The following SLIT3 variants were observed in gnomAD, a reference collection of about 807,000 sequenced individuals.
SLIT3 encodes slit guidance ligand 3, also known as slit homolog 3 protein.
A neutral mutation model predicts 184.0 loss-of-function variants in SLIT3; 68 were observed. The observed-to-expected ratio is 0.37, with a 90% confidence interval of 0.30 to 0.45. The LOEUF (loss-of-function observed/expected upper bound fraction) is 0.45, where lower values mean the gene tolerates loss of function less well. Ranked by LOEUF, SLIT3 falls within the 20% of genes least tolerant of loss-of-function variation. The pLI is 1.00. For missense variants in SLIT3, 1,707 were observed against 2,026.0 expected (o/e 0.84, Z 3.02); for synonymous variants, 831 against 828.6 (o/e 1.00, Z -0.05).
chr5:168,740,369 T>A (rs1763586667), intron 20 of SLIT3, among the ~76,000 whole-genome samples: 1 of 152,160 alleles, frequency 6.6e-6, no homozygotes, highest in African/African-American at 2.4e-5. Context: ...ATTGCTGGGG[T>A]CTTGCATGCT....
At chr5:169,039,870 T>C (rs1757389018) in intron 4 of SLIT3, among the ~76,000 whole-genome samples, 2 of 152,210 alleles carry the variant, frequency 1.3e-5, no homozygotes, top group Admixed American at 1.3e-4. Flanking sequence ...CCCTACCTAA[T>C]GCAAGCGCCT....
chr5:169,246,078 T>G (rs1471158711), intron 2 of SLIT3, among the ~76,000 whole-genome samples: 1 of 152,204 alleles, frequency 6.6e-6, no homozygotes, highest in Non-Finnish European at 1.5e-5. Context: ...ATATTTTACA[T>G]TTTTGTGAAT....
intron 27 of SLIT3, among the ~76,000 whole-genome samples, chr5:168,700,282 A>G (rs1402213667): frequency 6.6e-6 from 1 of 152,178 alleles, no homozygotes. Context: ...GGCCAGGTGG[A>G]GATAATTGAA....
chr5:169,094,958 T>C (rs2113213094), intron 4 of SLIT3, among the ~76,000 whole-genome samples: 1 of 152,278 alleles, frequency 6.6e-6, no homozygotes, highest in East Asian at 1.9e-4. Context: ...GGCCCACCCC[T>C]GCCTGGGGAG....
At chr5:168,975,516 C>A (rs552592529) in intron 4 of SLIT3, among the ~76,000 whole-genome samples, 6 of 152,126 alleles carry the variant, frequency 3.9e-5, no homozygotes, top group African/African-American at 9.6e-5. Context: ...TGCACAGACA[C>A]AGCCACACAT....
rs917082450 is a variant in SLIT3, at chr5:168,749,413, G to A, written c.2137+59C>T. 1.1e-5 allele frequency: 18 copies of A among 1,588,990 alleles called. No individual in the cohort carries two copies. In the Admixed American group the frequency reaches 1.5e-4, roughly 13 times the overall value. ...AGGGAGTATCTGATTGTGCATCTTC[G>A]CCATCTTCCTTGCCTTCCCAGGGCC... is the stretch of plus-strand genomic sequence containing the variant. On this transcript the variant is annotated intron_variant, in intron 19 of 35. Transcript: ENST00000519560.
chr5:169,184,548 T>C (rs1763271913), intron 4 of SLIT3, among the ~76,000 whole-genome samples: 1 of 152,220 alleles, frequency 6.6e-6, no homozygotes, highest in Admixed American at 6.5e-5. Flanking sequence ...CTATATGAGA[T>C]CGATGTTTCT....
At chr5:169,229,642 T>TTCTCTTTCTCTCTCTCTCTCTCTCTCTC (rs1764927032) in intron 3 of SLIT3, among the ~76,000 whole-genome samples, 6 of 148,224 alleles carry the variant, frequency 4.0e-5, no homozygotes, top group African/African-American at 1.5e-4. Context: ...AAATAAATTC[T>TTCTCTTTCTCTCTCTCTCTCTCTCTCTC]TCTCTCTCTC....
chr5:169,202,130 G>C (rs1490582222), intron 3 of SLIT3, among the ~76,000 whole-genome samples: 1 of 152,174 alleles, frequency 6.6e-6, no homozygotes, highest in African/African-American at 2.4e-5. Context: ...CTACTCAGGA[G>C]GCTGGGTGGG....
At chr5:168,844,911 T>C in intron 5 of SLIT3, 1 of 502,714 alleles carries the variant, frequency 2.0e-6, no homozygotes, top group East Asian at 3.1e-5. Context: ...TTTTTTTTTT[T>C]TTTTTTTAGG....
At chr5:168,908,604 C>T (rs991947660) in intron 4 of SLIT3, among the ~76,000 whole-genome samples, 1 of 152,128 alleles carries the variant, frequency 6.6e-6, no homozygotes, top group Non-Finnish European at 1.5e-5. Flanking sequence ...CTTCTCCCTG[C>T]TTTTAAGACA....
intron 3 of SLIT3, among the ~76,000 whole-genome samples, chr5:169,217,357 T>C (rs909477639): frequency 2.0e-5 from 3 of 152,112 alleles, no homozygotes; most frequent in African/African-American, 7.2e-5. Flanking sequence ...GGGGAAAATA[T>C]AGAGCAAATT....
chr5:168,686,458 A>G (rs1761747688), intron 30 of SLIT3, among the ~76,000 whole-genome samples: 4 of 152,218 alleles, frequency 2.6e-5, no homozygotes, highest in Admixed American at 2.0e-4. Context: ...TGAGAACACT[A>G]TATACTAAGT....
At chr5:168,884,427 T>TCACACACA (rs59573859) in intron 4 of SLIT3, among the ~76,000 whole-genome samples, 11,177 of 144,074 alleles carry the variant, frequency 0.078, 574 homozygotes, top group Middle Eastern at 0.11. Flanking sequence ...TCTCTCTCTC[T>TCACACACA]CACACACACA....
chr5:169,159,064 C>A (rs529923973), intron 4 of SLIT3, among the ~76,000 whole-genome samples: 1 of 151,836 alleles, frequency 6.6e-6, no homozygotes, highest in Non-Finnish European at 1.5e-5. Flanking sequence ...GGGCAGATCA[C>A]CTGAGGTCTA....
chr5:169,269,896 A>G (rs1174359375), intron 1 of SLIT3, among the ~76,000 whole-genome samples: 1 of 152,222 alleles, frequency 6.6e-6, no homozygotes, highest in East Asian at 1.9e-4. Context: ...TGCAAGGAGG[A>G]AACAATTCTC....
intron 5 of SLIT3, among the ~76,000 whole-genome samples, chr5:168,847,029 C>G (rs2113719506): frequency 6.6e-6 from 1 of 152,342 alleles, no homozygotes; most frequent in South Asian, 2.1e-4. Context: ...TCCTGCTACT[C>G]AGCAAACTGA....
At chr5:169,106,337 G>T (rs1015211252) in intron 4 of SLIT3, among the ~76,000 whole-genome samples, 1 of 152,138 alleles carries the variant, frequency 6.6e-6, no homozygotes, top group African/African-American at 2.4e-5. Context: ...GACTAGTGCT[G>T]GGACTGTTAA....
chr5:168,945,158 G>C (rs1490165883), intron 4 of SLIT3, among the ~76,000 whole-genome samples: 3 of 152,182 alleles, frequency 2.0e-5, no homozygotes, highest in Admixed American at 2.0e-4. Flanking sequence ...TAACATATCA[G>C]GGAGTTGCTT....
Sources: allele counts gnomAD v4.1 joint callset (sites outside exome capture counted in the v4.1 genomes callset), GRCh38; gene constraint gnomAD v4.1.1; transcripts MANE v1.5; gene names NCBI Gene and HGNC (gene_info 2026-07-23, HGNC 2026-07-21).